TTLL6: variants seen among roughly 807,000 people sequenced by gnomAD.
TTLL6 encodes the protein tubulin tyrosine ligase like 6.
A neutral mutation model predicts 96.4 loss-of-function variants in TTLL6; 75 were observed. The ratio of observed to expected loss-of-function variants is 0.78; its 90% CI spans 0.65 to 0.94. TTLL6 has a LOEUF of 0.94. TTLL6 is among the 40% of genes least tolerant of loss of function. The pLI is 0.00. For missense variants in TTLL6, 1,030 were observed against 1,093.0 expected, an observed-to-expected ratio of 0.94 and a Z score of 0.81; for synonymous variants, 411 against 419.4, an observed-to-expected ratio of 0.98 and a Z score of 0.24.
chr17:48,802,086 G>GAAAGAA (rs1477847498), intron 3 of TTLL6, among the ~76,000 whole-genome samples: 1 of 5,586 alleles, frequency 1.8e-4, no homozygotes, highest in Non-Finnish European at 5.9e-4. Flanking sequence ...GAAAAAGAAA[G>GAAAGAA]AAAGAAAGAA....
At chr17:48,787,671 C>G (rs969792887) in intron 11 of TTLL6, 140 bp downstream of exon 11, 4 of 761,314 alleles carry the variant, frequency 5.3e-6, no homozygotes, top group Non-Finnish European at 8.3e-6. Flanking sequence ...GCTAGGACTA[C>G]AGGCGTGAGC....
intron 13 of TTLL6, among the ~76,000 whole-genome samples, chr17:48,773,468 T>C (rs2038792285): frequency 6.6e-6 from 1 of 152,160 alleles, no homozygotes; most frequent in African/African-American, 2.4e-5. Context: ...ATGCCTATAA[T>C]CCCAGCACTT....
At chr17:48,774,173 C>T (rs2038817770) in intron 13 of TTLL6, among the ~76,000 whole-genome samples, 1 of 140,438 alleles carries the variant, frequency 7.1e-6, no homozygotes, top group African/African-American at 2.6e-5. Context: ...TAGCAGAAAT[C>T]AATAAAATCA....
In TTLL6 at chr17:48,787,814, G is replaced by C. The variant is rs1238380034; in HGVS notation, c.1586C>G (p.Ala529Gly). 6.2e-7 allele frequency: 1 copy of C among 1,613,450 alleles called. No individual in the cohort carries two copies. Among genetic ancestry groups the C allele is most frequent in the African/African-American group, 1.3e-5 (1 of 75,014 alleles). The change falls in exon 11 of 16, where the codon GCC (alanine) becomes GGC (glycine). Residue 529 changes from alanine (A) to glycine (G), a missense_variant. Transcript: ENST00000393382. ...TVASRAREEY[A>G]RQLIQELRLK... The stretch of plus-strand genomic sequence containing the variant: ...CTCATCCCGGATGTCTTCCTACCGG[G>C]CATACTCCTCCCGAGCCCTGGAAGC...
intron 2 of TTLL6, chr17:48,804,519 G>A: frequency 1.6e-6 from 1 of 634,954 alleles, no homozygotes; most frequent in Non-Finnish European, 2.9e-6. Flanking sequence ...TTTTTTAAAG[G>A]CATCCTAAAC....
Position 48,788,081 on chromosome 17 carries a change from T to C in TTLL6, c.1401-82A>G, listed in dbSNP as rs572047001. The C allele has an allele frequency of 3.6e-6, 5 of 1,378,104 alleles. No homozygotes were observed. The Admixed American group carries it at 6.1e-5, about 17-fold the overall frequency. The allele number at this position is 1,378,104 out of a possible 1,614,324, so 85.4% of individuals were successfully genotyped here. A position where few individuals can be genotyped will look rare whatever the true frequency, so the allele number is the denominator to read the frequency against. On this transcript the variant is annotated intron_variant, in intron 10 of 15. Coordinates refer to ENST00000393382, the MANE Select transcript of TTLL6 (RefSeq NM_001130918.3). ...AGGGATATGTCCAAGCTGGAGGTCG[T>C]CTAGGGCCAGATGGAGGCCTTGCAC...
At chr17:48,778,632 A>T (rs1597968995) in intron 13 of TTLL6, among the ~76,000 whole-genome samples, 1 of 67,876 alleles carries the variant, frequency 1.5e-5, no homozygotes, top group African/African-American at 5.8e-5. Context: ...TCAGTCTCTT[A>T]AAAAAAAAAA....
chr17:48,779,353 C>CAAA lies in TTLL6; in HGVS notation c.2040+5567_2040+5569dup, dbSNP rs35763170. 8.0e-3 allele frequency among the ~76,000 whole-genome samples: 370 copies of CAAA among 46,042 alleles called. 23 individuals carry two copies. The highest frequency in any genetic ancestry group is 0.032 in the Middle Eastern group (2 of 62). The allele number at this position is 46,042 out of a possible 152,430, so 30.2% of individuals were successfully genotyped here. ...TGGGCAACAGAGCAAGACTCTGTCT[C>CAAA]AAAAAAAAAAAAAAAAAAAAAAAAA... On this transcript the variant is annotated intron_variant, in intron 13 of 15. Transcript: ENST00000393382.
At chr17:48,774,934 A>G (rs1014958740) in intron 13 of TTLL6, among the ~76,000 whole-genome samples, 15 of 152,226 alleles carry the variant, frequency 9.9e-5, no homozygotes, top group African/African-American at 3.6e-4. Context: ...GGAGTTCGAC[A>G]CCAGCCTGGC....
chr17:48,811,695 CTTT>C (rs34983566), intron 1 of TTLL6, among the ~76,000 whole-genome samples: 8 of 118,986 alleles, frequency 6.7e-5, no homozygotes, highest in East Asian at 2.3e-4. Context: ...GAGCAGAAAG[CTTT>C]TTTTTTTTTT....
intron 1 of TTLL6, among the ~76,000 whole-genome samples, chr17:48,811,327 C>T (rs537267856): frequency 2.6e-5 from 4 of 152,136 alleles, no homozygotes; most frequent in East Asian, 3.9e-4. Context: ...ACCTTGGCCA[C>T]TCAAAGTGCT....
chr17:48,799,432 G>A (rs142454161), intron 6 of TTLL6, among the ~76,000 whole-genome samples, 172 bp downstream of exon 6: 1 of 152,336 alleles, frequency 6.6e-6, no homozygotes, highest in African/African-American at 2.4e-5. Flanking sequence ...TCTGGCCCGG[G>A]CACGTGTCAG....
At chr17:48,809,297 C>T (rs2039547160) in intron 1 of TTLL6, among the ~76,000 whole-genome samples, 1 of 152,176 alleles carries the variant, frequency 6.6e-6, no homozygotes, top group African/African-American at 2.4e-5. Context: ...TGGCAAAGTT[C>T]AGGGGAACTA....
chr17:48,798,404 T>C (rs1183952089), intron 6 of TTLL6, among the ~76,000 whole-genome samples: 3 of 152,094 alleles, frequency 2.0e-5, no homozygotes, highest in Non-Finnish European at 4.4e-5. Context: ...CCGTCTCTAC[T>C]AAAAATACAA....
intron 15 of TTLL6, among the ~76,000 whole-genome samples, chr17:48,764,366 C>T (rs566686683): frequency 1.3e-5 from 2 of 152,308 alleles, no homozygotes; most frequent in Non-Finnish European, 1.5e-5. Flanking sequence ...GAGAAGGAAA[C>T]ATAGAGCTGT....
intron 8 of TTLL6, among the ~76,000 whole-genome samples, chr17:48,795,400 C>T (rs1463849073): frequency 6.6e-6 from 1 of 151,848 alleles, no homozygotes; most frequent in African/African-American, 2.4e-5. Flanking sequence ...AAGCACAGAC[C>T]CCAACACACA....
At position 48,791,376 on chromosome 17, in the gene TTLL6, A is replaced by C; in HGVS notation, c.1224+2T>G. 1 of 1,613,520 alleles carries C rather than the reference A, an allele frequency of 6.2e-7. No individual in the cohort carries two copies. The highest frequency in any genetic ancestry group is 8.5e-7 in the Non-Finnish European group (1 of 1,179,620). On this transcript the variant is annotated splice_donor_variant, in intron 9 of 15. Coordinates refer to ENST00000393382, the MANE Select transcript of TTLL6 (RefSeq NM_001130918.3). LOFTEE classifies it high-confidence loss of function. ...TTTCGCCCCTCGCCCAAACTTCCCT[A>C]CCTCCAGCAGCCAGGGTTTGAGTTT...
At chr17:48,782,046 A>G (rs188382131) in intron 13 of TTLL6, among the ~76,000 whole-genome samples, 37 of 152,228 alleles carry the variant, frequency 2.4e-4, no homozygotes, top group African/African-American at 7.7e-4. Flanking sequence ...CAGCCTGAAC[A>G]GACTAAGGCA....
chr17:48,814,927 C>A (rs947479983), intron 1 of TTLL6, among the ~76,000 whole-genome samples: 1 of 152,128 alleles, frequency 6.6e-6, no homozygotes, highest in Non-Finnish European at 1.5e-5. Flanking sequence ...TACAGGCATG[C>A]ACCACCACGC....
Sources: gnomAD v4.1 joint callset for allele counts (sites outside exome capture counted in the v4.1 genomes callset) on GRCh38, gnomAD v4.1.1 for gene constraint, MANE v1.5 for transcripts, NCBI Gene and HGNC (gene_info 2026-07-23, HGNC 2026-07-21) for gene names.